Variants in CCDC174 observed in about 807,000 individuals in gnomAD.
CCDC174 encodes the protein coiled-coil domain-containing protein 174.
CCDC174 carries 37 observed loss-of-function variants against 57.1 expected under a neutral mutation model. The ratio of observed to expected loss-of-function variants is 0.65; its 90% CI spans 0.50 to 0.85. CCDC174 has a LOEUF of 0.85. CCDC174 is among the 40% of genes least tolerant of loss of function. The probability of loss-of-function intolerance (pLI) is 0.00; values close to 1 mark genes in which losing one functional copy is unlikely to be tolerated. For synonymous variants in CCDC174, 182 were observed against 190.2 expected, an observed-to-expected ratio of 0.96 and a Z score of 0.35; for missense variants, 540 against 574.3, an observed-to-expected ratio of 0.94 and a Z score of 0.61.
At chr3:14,669,158 C>G (rs920253867) in intron 9 of CCDC174, among the ~76,000 whole-genome samples, 1 of 152,152 alleles carries the variant, frequency 6.6e-6, no homozygotes, top group Non-Finnish European at 1.5e-5. Context: ...CAGCTGCAAC[C>G]GGGGGGCATT....
chr3:14,663,686 T>G (rs2031225533), intron 5 of CCDC174, among the ~76,000 whole-genome samples: 1 of 149,114 alleles, frequency 6.7e-6, no homozygotes, highest in South Asian at 2.1e-4. Context: ...TTTGGAGGCC[T>G]TCTCCAGAAA....
At chr3:14,659,035 G>C in intron 4 of CCDC174, 106 bp downstream of exon 4, 1 of 1,119,530 alleles carries the variant, frequency 8.9e-7, no homozygotes, top group Non-Finnish European at 1.2e-6. Flanking sequence ...AAATTTAGAC[G>C]TCAAAATTTT....
intron 5 of CCDC174, among the ~76,000 whole-genome samples, chr3:14,662,892 A>G (rs930868467): frequency 6.6e-6 from 1 of 152,244 alleles, no homozygotes; most frequent in Non-Finnish European, 1.5e-5. Context: ...TCTCATTGGG[A>G]TAAAACAGGT....
At position 14,670,878 on chromosome 3, in the gene CCDC174, CT is replaced by C; in HGVS notation, c.1106-15del. The stretch of plus-strand genomic sequence containing the variant: ...TTCGTTAATCAGTTCTAATAACTTT[CT>C]TTCTTATTTTTACCAGAATTTTCCT... On this transcript the variant is annotated splice_polypyrimidine_tract_variant and intron_variant, in intron 10 of 10. Transcript: ENST00000383794. 1.3e-6 allele frequency: 2 copies of C among 1,572,952 alleles called. No individual in the cohort carries two copies. The highest frequency in any genetic ancestry group is 3.6e-5 in the Admixed American group (2 of 54,966).
intron 1 of CCDC174, among the ~76,000 whole-genome samples, chr3:14,653,844 T>G (rs2030862179): frequency 6.6e-6 from 1 of 152,270 alleles, no homozygotes; most frequent in Non-Finnish European, 1.5e-5. Context: ...CTAAGCTTTC[T>G]CTGATCACTC....
At chr3:14,667,084 C>T in intron 7 of CCDC174, 137 bp downstream of exon 7, 1 of 741,784 alleles carries the variant, frequency 1.3e-6, no homozygotes, top group Non-Finnish European at 2.2e-6. Context: ...AAAATATCTC[C>T]TTTGTTCACT....
In CCDC174 at chr3:14,655,582, G is replaced by A. The variant is rs2030930534; in HGVS notation, c.201G>A (p.Lys67=). Reference sequence around the variant, plus strand: ...TAGGCGTTTCAAATCGAGCTGAGAAGGATGCTGAACAGAAGATTGAAGAAC... The same window carrying A: ...TAGGCGTTTCAAATCGAGCTGAGAAAGATGCTGAACAGAAGATTGAAGAAC... ...QNVGVSNRAE[K]DAEQKIEEQK... is the part of the protein sequence containing the mutation. The change falls in exon 3 of 11, where the codon AAG becomes AAA. Residue 67 remains lysine (K), a synonymous_variant. Transcript: ENST00000383794. 2 of 1,610,218 alleles carry A rather than the reference G, an allele frequency of 1.2e-6. No individual in the cohort carries two copies. Among genetic ancestry groups the A allele is most frequent in the Non-Finnish European group, 1.7e-6 (2 of 1,178,044 alleles).
intron 6 of CCDC174, among the ~76,000 whole-genome samples, chr3:14,665,759 G>A (rs991541347): frequency 1.3e-5 from 2 of 151,926 alleles, no homozygotes; most frequent in South Asian, 2.1e-4. Flanking sequence ...GGCTGGGCGC[G>A]GTGGCTCACG....
At position 14,665,170 on chromosome 3, in the gene CCDC174, C is replaced by A. The variant is rs1393943130; in HGVS notation, c.581+47C>A. 5.3e-6 allele frequency: 7 copies of A among 1,313,882 alleles called. No homozygotes were observed. In the Admixed American group the frequency reaches 8.4e-5, roughly 16 times the overall value. The allele number at this position is 1,313,882 out of a possible 1,614,324, so 81.4% of individuals were successfully genotyped here. On this transcript the variant is annotated intron_variant, in intron 6 of 10. Coordinates refer to ENST00000383794, the MANE Select transcript of CCDC174 (RefSeq NM_016474.5). ...AGCTCTGCCAAGGTCTGAAATGCAG[C>A]CACAGGGATTGTTTTGTGAGGGGAG...
chr3:14,668,179 G>A lies in CCDC174; in HGVS notation c.950G>A (p.Arg317Lys), dbSNP rs543563743. 1.9e-6 allele frequency: 3 copies of A among 1,605,934 alleles called. No homozygotes were observed. In the Admixed American group the frequency reaches 5.2e-5, roughly 28 times the overall value. ...SKEGGTEEEN[R>K]DGDVIGPLPP... is the part of the protein sequence containing the mutation. Reference sequence around the variant, plus strand: ...GAAGGTGGAACAGAAGAAGAAAATAGAGGTATATCATGGCTATGTTGCTGA... The same window carrying A: ...GAAGGTGGAACAGAAGAAGAAAATAAAGGTATATCATGGCTATGTTGCTGA... The change falls in exon 9 of 11, where the codon AGA (arginine) becomes AAA (lysine). Residue 317 changes from arginine to lysine, a missense_variant and splice_region_variant. Transcript: ENST00000383794.
intron 5 of CCDC174, among the ~76,000 whole-genome samples, chr3:14,663,063 G>A (rs1559381672): frequency 6.6e-6 from 1 of 152,072 alleles, no homozygotes; most frequent in East Asian, 1.9e-4. Flanking sequence ...TTATTTATTT[G>A]TTTTTGAGGC....
intron 1 of CCDC174, among the ~76,000 whole-genome samples, chr3:14,653,829 C>T (rs957025318): frequency 6.6e-6 from 1 of 152,234 alleles, no homozygotes; most frequent in African/African-American, 2.4e-5. Context: ...TTTAAAGGCT[C>T]TGCTCTAAGC....
chr3:14,663,923 G>A (rs2031233391), intron 5 of CCDC174, among the ~76,000 whole-genome samples: 2 of 152,158 alleles, frequency 1.3e-5, no homozygotes, highest in African/African-American at 2.4e-5. Flanking sequence ...TTAAGCTCCA[G>A]AATTGTAATT....
At chr3:14,655,489 A>G in intron 2 of CCDC174, 40 bp from the exon 3 acceptor site, 4 of 1,359,034 alleles carry the variant, frequency 2.9e-6, no homozygotes, top group East Asian at 2.3e-5. Context: ...TTTTTTGGCA[A>G]TCATGTGGTT....
chr3:14,666,001 G>C (rs1444469676), intron 6 of CCDC174, among the ~76,000 whole-genome samples: 1 of 135,082 alleles, frequency 7.4e-6, no homozygotes, highest in African/African-American at 2.9e-5. Flanking sequence ...TGACGCCACT[G>C]CACTCCAGTC....
intron 3 of CCDC174, among the ~76,000 whole-genome samples, chr3:14,658,427 T>C (rs1307742412): frequency 2.0e-5 from 3 of 152,230 alleles, no homozygotes; most frequent in Non-Finnish European, 4.4e-5. Flanking sequence ...TTGCTTACCC[T>C]CTCATGGTCT....
intron 10 of CCDC174, 102 bp downstream of exon 10, chr3:14,670,188 T>C: frequency 8.2e-7 from 1 of 1,215,800 alleles, no homozygotes; most frequent in Non-Finnish European, 1.1e-6. Context: ...TGCTGCCTTG[T>C]GTGGTTTTAC....
Position 14,658,908 on chromosome 3 carries a change from A to G in CCDC174, c.286A>G (p.Met96Val). 6.5e-7 allele frequency: 1 copy of G among 1,529,432 alleles called. No homozygotes were observed. The highest frequency in any genetic ancestry group is 9.0e-7 in the Non-Finnish European group (1 of 1,116,530). 94.7% of individuals were successfully genotyped at this position (1,529,432 alleles called of 1,614,324 possible). A position where few individuals can be genotyped will look rare whatever the true frequency, so the allele number is the denominator to read the frequency against. The change falls in exon 4 of 11, where the codon ATG becomes GTG. Residue 96 changes from methionine (M) to valine (V), a missense_variant. Transcript: ENST00000383794. ...LEEKAKLYEK[M>V]TKGDFIDEEV... The stretch of plus-strand genomic sequence containing the variant: ...AGAAAAAGCCAAATTATATGAAAAA[A>G]TGACTAAAGGAGACTTTATAGGTAA...
chr3:14,660,727 A>C (rs2031103040), intron 4 of CCDC174, among the ~76,000 whole-genome samples: 1 of 152,208 alleles, frequency 6.6e-6, no homozygotes, highest in Admixed American at 6.5e-5. Flanking sequence ...TGGGGAAAAC[A>C]CCACCCCTGG....
Sources: allele counts gnomAD v4.1 joint callset (sites outside exome capture counted in the v4.1 genomes callset), GRCh38; gene constraint gnomAD v4.1.1; transcripts MANE v1.5; gene names NCBI Gene and HGNC (gene_info 2026-07-23, HGNC 2026-07-21).